The following SLC25A21 variants were observed in gnomAD, a reference collection of about 807,000 sequenced individuals.
The protein encoded by SLC25A21 is mitochondrial 2-oxodicarboxylate carrier.
In SLC25A21, 47 loss-of-function variants were observed where a neutral mutation model predicts 43.8. The observed-to-expected ratio is 1.07, with a 90% confidence interval of 0.85 to 1.37. The LOEUF (loss-of-function observed/expected upper bound fraction) is 1.37. Among genes scored for constraint, SLC25A21 ranks in the 40% most tolerant of loss-of-function variants. SLC25A21 has a pLI of 0.00. For synonymous variants in SLC25A21, 131 were observed against 121.3 expected, an observed-to-expected ratio of 1.08 and a Z score of -0.52; for missense variants, 352 against 350.2, an observed-to-expected ratio of 1.00 and a Z score of -0.04.
At chr14:36,869,874 A>C (rs1275654851) in intron 2 of SLC25A21, among the ~76,000 whole-genome samples, 2 of 152,228 alleles carry the variant, frequency 1.3e-5, no homozygotes, top group Non-Finnish European at 2.9e-5. Flanking sequence ...CCTAACAAAA[A>C]AGCCAAGTAA....
chr14:36,743,807 A>T (rs1221220940), intron 3 of SLC25A21, among the ~76,000 whole-genome samples: 1 of 152,090 alleles, frequency 6.6e-6, no homozygotes, highest in East Asian at 1.9e-4. Flanking sequence ...ACCACAAAAT[A>T]CTCCTAGATT....
chr14:37,025,672 C>CTCATCTGACT (rs1213019825), intron 1 of SLC25A21, among the ~76,000 whole-genome samples: 1 of 152,060 alleles, frequency 6.6e-6, no homozygotes, highest in African/African-American at 2.4e-5. Flanking sequence ...GAGTTCTTTT[C>CTCATCTGACT]TCATCTGACT....
Position 37,050,634 on chromosome 14 carries a change from C to T in SLC25A21, c.70+121647G>A, listed in dbSNP as rs562476512. 5.3e-5 allele frequency among the ~76,000 whole-genome samples: 8 copies of T among 152,246 alleles called. No individual in the cohort carries two copies. The South Asian group carries it at 6.2e-4, about 12-fold the overall frequency. ...AAGTGCAAGGAGTTTTATTAGAATG[C>T]GTTCATTTGAGTAAAAATAGATGAC... On this transcript the variant is annotated intron_variant, in intron 1 of 9. Transcript: ENST00000331299.
chr14:37,167,858 C>T lies in SLC25A21; in HGVS notation c.70+4423G>A, dbSNP rs1440654912. Among the ~76,000 whole-genome samples, 4 of 151,836 alleles carry T rather than the reference C, an allele frequency of 2.6e-5. No homozygotes were observed. In the South Asian group the frequency reaches 6.3e-4, roughly 24 times the overall value. ...CGACTCCCTATGATTTCATCTCCGACCTGACCAATCAGCACTCCTGACTCT... is the reference window on the plus strand; with the variant it reads ...CGACTCCCTATGATTTCATCTCCGATCTGACCAATCAGCACTCCTGACTCT... On this transcript the variant is annotated intron_variant, in intron 1 of 9. Coordinates refer to ENST00000331299, the MANE Select transcript of SLC25A21 (RefSeq NM_030631.4).
At chr14:37,106,161 A>C (rs902591812) in intron 1 of SLC25A21, among the ~76,000 whole-genome samples, 7 of 151,880 alleles carry the variant, frequency 4.6e-5, no homozygotes, top group African/African-American at 1.5e-4. Flanking sequence ...AAATCAGTGC[A>C]CCTTGAAAAA....
intron 1 of SLC25A21, among the ~76,000 whole-genome samples, chr14:36,918,713 C>T (rs1891897102): frequency 6.6e-6 from 1 of 151,950 alleles, no homozygotes; most frequent in African/African-American, 2.4e-5. Flanking sequence ...TGATCAGAAA[C>T]CAACCCAACT....
At chr14:36,939,038 A>G (rs999578271) in intron 1 of SLC25A21, among the ~76,000 whole-genome samples, 16 of 152,156 alleles carry the variant, frequency 1.1e-4, no homozygotes, top group South Asian at 2.1e-4. Context: ...TTTATTGCTT[A>G]AATTATAAAT....
At chr14:36,887,724 G>A (rs1187108174) in intron 1 of SLC25A21, among the ~76,000 whole-genome samples, 1 of 152,130 alleles carries the variant, frequency 6.6e-6, no homozygotes, top group Non-Finnish European at 1.5e-5. Flanking sequence ...CTCCACACAA[G>A]ACTTGCCCAT....
At chr14:36,959,571 G>A (rs1212839266) in intron 1 of SLC25A21, among the ~76,000 whole-genome samples, 4 of 152,092 alleles carry the variant, frequency 2.6e-5, no homozygotes, top group African/African-American at 2.4e-5. Context: ...GGGAAGAAAG[G>A]GCACTGGTCT....
intron 1 of SLC25A21, among the ~76,000 whole-genome samples, chr14:37,103,162 C>T (rs1054072359): frequency 2.6e-5 from 4 of 152,154 alleles, no homozygotes; most frequent in Non-Finnish European, 5.9e-5. Flanking sequence ...AAATATTATA[C>T]TGCAAGTAAT....
chr14:36,712,852 T>C (rs1055749227), intron 6 of SLC25A21, among the ~76,000 whole-genome samples: 2 of 152,360 alleles, frequency 1.3e-5, no homozygotes, highest in Middle Eastern at 3.4e-3. Flanking sequence ...TTTTTGTGTT[T>C]CAGCACATTG....
intron 1 of SLC25A21, among the ~76,000 whole-genome samples, chr14:36,908,245 T>C (rs986600380): frequency 6.6e-6 from 1 of 152,190 alleles, no homozygotes; most frequent in Non-Finnish European, 1.5e-5. Flanking sequence ...GATATGTCAA[T>C]GCAGGTTCAC....
intron 1 of SLC25A21, among the ~76,000 whole-genome samples, chr14:37,081,674 C>G (rs566993423): frequency 4.7e-4 from 72 of 152,264 alleles, no homozygotes; most frequent in Admixed American, 2.4e-3. Flanking sequence ...GATATAGTAA[C>G]AATTAGGAAT....
At chr14:37,001,961 C>T (rs1262751751) in intron 1 of SLC25A21, among the ~76,000 whole-genome samples, 2 of 152,052 alleles carry the variant, frequency 1.3e-5, no homozygotes, top group African/African-American at 4.8e-5. Flanking sequence ...TTTCTGGTTA[C>T]TTGGAAAGAA....
intron 2 of SLC25A21, among the ~76,000 whole-genome samples, chr14:36,836,747 A>G (rs1889222909): frequency 6.6e-6 from 1 of 152,192 alleles, no homozygotes; most frequent in Non-Finnish European, 1.5e-5. Flanking sequence ...TCTTCATCAA[A>G]AAGTTTGTAG....
intron 7 of SLC25A21, among the ~76,000 whole-genome samples, chr14:36,701,599 T>C (rs1883279805): frequency 6.6e-6 from 1 of 152,188 alleles, no homozygotes; most frequent in Non-Finnish European, 1.5e-5. Flanking sequence ...ATATATATAA[T>C]GTCAAAATGG....
At chr14:36,785,104 T>G (rs1466938151) in intron 3 of SLC25A21, among the ~76,000 whole-genome samples, 1 of 152,162 alleles carries the variant, frequency 6.6e-6, no homozygotes, top group African/African-American at 2.4e-5. Flanking sequence ...TGTACCCTCA[T>G]AGAGGACAAA....
In SLC25A21 at chr14:36,811,888, G is replaced by A. The variant is rs547671283; in HGVS notation, c.203+2030C>T. ...TTGGGGTTAGAGAATTTTTTTTAAT[G>A]TGACATCATTAGATATCAGGATGGA... On this transcript the variant is annotated intron_variant, in intron 3 of 9. Transcript: ENST00000331299. 2.7e-4 allele frequency among the ~76,000 whole-genome samples: 41 copies of A among 152,096 alleles called. No individual in the cohort carries two copies. In the South Asian group the frequency reaches 8.5e-3, roughly 32 times the overall value.
At chr14:36,852,969 T>C (rs913143408) in intron 2 of SLC25A21, among the ~76,000 whole-genome samples, 3 of 152,060 alleles carry the variant, frequency 2.0e-5, no homozygotes, top group Admixed American at 1.3e-4. Flanking sequence ...TAAAATCTGC[T>C]AGAACTTATG....
Sources: allele counts gnomAD v4.1 joint callset (sites outside exome capture counted in the v4.1 genomes callset), GRCh38; gene constraint gnomAD v4.1.1; transcripts MANE v1.5; gene names NCBI Gene and HGNC (gene_info 2026-07-23, HGNC 2026-07-21).